HCN1: variants seen among roughly 807,000 people sequenced by gnomAD.
The protein encoded by HCN1 is hyperpolarization activated cyclic nucleotide gated potassium channel 1, also known as potassium/sodium hyperpolarization-activated cyclic nucleotide-gated channel 1.
Under a neutral mutation model 78.9 loss-of-function variants are expected in HCN1, and 13 were observed. The ratio of observed to expected loss-of-function variants is 0.16; its 90% CI spans 0.11 to 0.26. The LOEUF (loss-of-function observed/expected upper bound fraction) is 0.26, where lower values mean the gene tolerates loss of function less well. Ranked by LOEUF, HCN1 falls within the 10% of genes least tolerant of loss-of-function variation. The pLI is 1.00. For missense variants in HCN1, 810 were observed against 1,154.3 expected (o/e 0.70, Z 4.32); for synonymous variants, 552 against 455.5 (o/e 1.21, Z -2.70).
chr5:45,479,169 G>A (rs1325053195), intron 2 of HCN1, among the ~76,000 whole-genome samples: 1 of 151,750 alleles, frequency 6.6e-6, no homozygotes, highest in Admixed American at 6.6e-5. Context: ...AAATGAGCTC[G>A]TGAAGAGTCT....
chr5:45,447,417 A>T (rs192608604), intron 3 of HCN1, among the ~76,000 whole-genome samples: 1 of 152,244 alleles, frequency 6.6e-6, no homozygotes, highest in African/African-American at 2.4e-5. Flanking sequence ...AGCTATTCAA[A>T]GTTTTTATAG....
chr5:45,483,388 A>AT (rs935653888), intron 2 of HCN1, among the ~76,000 whole-genome samples: 6 of 151,738 alleles, frequency 4.0e-5, no homozygotes, highest in Non-Finnish European at 8.8e-5. Context: ...GTGATGTTGA[A>AT]TTTTTTTTCA....
At chr5:45,349,718 A>G (rs545029260) in intron 5 of HCN1, among the ~76,000 whole-genome samples, 1 of 152,276 alleles carries the variant, frequency 6.6e-6, no homozygotes, top group South Asian at 2.1e-4. Flanking sequence ...CAGAAATACA[A>G]ACTGCCCACA....
At chr5:45,684,576 A>G (rs1341843550) in intron 1 of HCN1, among the ~76,000 whole-genome samples, 1 of 152,094 alleles carries the variant, frequency 6.6e-6, no homozygotes, top group East Asian at 1.9e-4. Context: ...AACTAATCAA[A>G]TAGGCCAGGC....
At chr5:45,383,145 G>T (rs1046273132) in intron 4 of HCN1, among the ~76,000 whole-genome samples, 1 of 152,042 alleles carries the variant, frequency 6.6e-6, no homozygotes, top group African/African-American at 2.4e-5. Flanking sequence ...ATGCAGAGCT[G>T]GGATTTAACA....
intron 5 of HCN1, among the ~76,000 whole-genome samples, chr5:45,312,333 C>T (rs751508601): frequency 6.6e-6 from 1 of 152,114 alleles, no homozygotes; most frequent in Non-Finnish European, 1.5e-5. Context: ...GTTATTTGTT[C>T]TTTGGTTGAC....
At chr5:45,294,600 A>G (rs1394175917) in intron 6 of HCN1, among the ~76,000 whole-genome samples, 1 of 152,048 alleles carries the variant, frequency 6.6e-6, no homozygotes, top group African/African-American at 2.4e-5. Context: ...TATTAGAAAA[A>G]CAAACTTTTC....
intron 5 of HCN1, among the ~76,000 whole-genome samples, chr5:45,337,582 C>T (rs1357279029): frequency 6.6e-6 from 1 of 152,068 alleles, no homozygotes; most frequent in African/African-American, 2.4e-5. Flanking sequence ...GAAGTAATTA[C>T]AAAATATGTA....
At chr5:45,484,249 G>C (rs1289474934) in intron 2 of HCN1, among the ~76,000 whole-genome samples, 1 of 151,930 alleles carries the variant, frequency 6.6e-6, no homozygotes, top group African/African-American at 2.4e-5. Context: ...TGGCTAACAC[G>C]GTGAAACCTG....
intron 5 of HCN1, among the ~76,000 whole-genome samples, chr5:45,313,358 C>T (rs1745900916): frequency 6.6e-6 from 1 of 152,218 alleles, no homozygotes; most frequent in East Asian, 1.9e-4. Context: ...CACCAAAACC[C>T]CATCTGTACG....
intron 2 of HCN1, among the ~76,000 whole-genome samples, chr5:45,591,158 T>C (rs1382792415): frequency 6.6e-6 from 1 of 152,218 alleles, no homozygotes; most frequent in Non-Finnish European, 1.5e-5. Context: ...TCAGTTTATT[T>C]ATCCATTCAC....
intron 6 of HCN1, among the ~76,000 whole-genome samples, chr5:45,286,173 A>G (rs1191065811): frequency 1.3e-5 from 2 of 151,982 alleles, no homozygotes; most frequent in African/African-American, 4.8e-5. Context: ...CAAATCGATA[A>G]TGATAATAAT....
At chr5:45,496,816 T>C (rs576672791) in intron 2 of HCN1, among the ~76,000 whole-genome samples, 3 of 152,258 alleles carry the variant, frequency 2.0e-5, no homozygotes, top group Admixed American at 6.5e-5. Context: ...TTTTGGATCT[T>C]TCCTGCTTTC....
chr5:45,633,352 G>A (rs1418556923), intron 2 of HCN1, among the ~76,000 whole-genome samples: 1 of 151,758 alleles, frequency 6.6e-6, no homozygotes, highest in Non-Finnish European at 1.5e-5. Context: ...AGCATGGTAT[G>A]TAACAGCCCC....
chr5:45,428,341 T>C (rs1454354162), intron 3 of HCN1, among the ~76,000 whole-genome samples: 1 of 152,052 alleles, frequency 6.6e-6, no homozygotes, highest in Non-Finnish European at 1.5e-5. Context: ...ATGAGTTTAT[T>C]TTATTTAGAA....
chr5:45,350,340 A>G (rs1255942992), intron 5 of HCN1, among the ~76,000 whole-genome samples: 3 of 152,036 alleles, frequency 2.0e-5, no homozygotes, highest in Non-Finnish European at 4.4e-5. Context: ...CATGCTAAAA[A>G]CTCTCAATAA....
chr5:45,621,143 T>A (rs1745052410), intron 2 of HCN1, among the ~76,000 whole-genome samples: 1 of 152,152 alleles, frequency 6.6e-6, no homozygotes, highest in Admixed American at 6.5e-5. Context: ...GGTGTAAATG[T>A]GTTTGTTTTC....
At chr5:45,282,604 A>G (rs1219481741) in intron 6 of HCN1, among the ~76,000 whole-genome samples, 1 of 152,198 alleles carries the variant, frequency 6.6e-6, no homozygotes, top group Admixed American at 6.5e-5. Flanking sequence ...TTTCAAAACC[A>G]TCCATAATCT....
chr5:45,408,263 C>T (rs997403755), intron 3 of HCN1, among the ~76,000 whole-genome samples: 2 of 152,140 alleles, frequency 1.3e-5, no homozygotes, highest in Admixed American at 6.5e-5. Flanking sequence ...TAGGCCTTCA[C>T]GTTGCCTTAC....
Sources: allele counts gnomAD v4.1 joint callset (sites outside exome capture counted in the v4.1 genomes callset), GRCh38; gene constraint gnomAD v4.1.1; transcripts MANE v1.5; gene names NCBI Gene and HGNC (gene_info 2026-07-23, HGNC 2026-07-21).